Variants in MYT1 observed in about 807,000 individuals in gnomAD.
MYT1 encodes myelin transcription factor I.
Under a neutral mutation model 123.0 loss-of-function variants are expected in MYT1, and 23 were observed. That is an observed-to-expected ratio of 0.19 (90% CI 0.13 to 0.26). The LOEUF (loss-of-function observed/expected upper bound fraction) is 0.26, where lower values mean the gene tolerates loss of function less well. Among genes scored for constraint, MYT1 ranks in the 10% least tolerant of loss-of-function variants. The pLI, the probability that MYT1 is intolerant of heterozygous loss-of-function variation, is 1.00. For missense variants in MYT1, 1,125 were observed against 1,472.5 expected, an observed-to-expected ratio of 0.76 and a Z score of 3.86; for synonymous variants, 518 against 575.3, an observed-to-expected ratio of 0.90 and a Z score of 1.43.
At chr20:64,179,022 A>T (rs558946653) in intron 1 of MYT1, among the ~76,000 whole-genome samples, 3 of 85,950 alleles carry the variant, frequency 3.5e-5, no homozygotes, top group Non-Finnish European at 7.0e-5. Flanking sequence ...TTATTCGGTG[A>T]GATACCCTTC....
At chr20:64,173,689 G>A (rs1488493878) in intron 1 of MYT1, among the ~76,000 whole-genome samples, 2 of 114,316 alleles carry the variant, frequency 1.7e-5, no homozygotes, top group African/African-American at 3.5e-5. Flanking sequence ...TCCTCCTGCA[G>A]CATCTTTCCT....
chr20:64,195,354 C>G (rs972183759), intron 2 of MYT1, among the ~76,000 whole-genome samples: 6 of 98,836 alleles, frequency 6.1e-5, no homozygotes, highest in African/African-American at 4.1e-5. Context: ...ATGGTGAGAA[C>G]TGTGTGTGTG....
At position 64,232,067 on chromosome 20, in the gene MYT1, C is replaced by T; in HGVS notation, c.2676-97C>T. On this transcript the variant is annotated intron_variant, in intron 18 of 22. Coordinates refer to ENST00000328439, the MANE Select transcript of MYT1 (RefSeq NM_004535.3). This position sits in a 1 kb window ranked among gnomAD's most constrained non-coding sequence, Gnocchi z 6.9. ...CTCACTCAGAAGCCCTTTAACGGCT[C>T]TGAGTTGGGCTCCCCTTGTGTCTGG... 2 of 1,275,870 alleles carry T rather than the reference C, an allele frequency of 1.6e-6. No homozygotes were observed. Among genetic ancestry groups the T allele is most frequent in the Non-Finnish European group, 2.2e-6 (2 of 901,506 alleles). 79.0% of individuals were successfully genotyped at this position (1,275,870 alleles called of 1,614,324 possible).
At chr20:64,217,340 T>G in intron 11 of MYT1, 59 bp downstream of exon 11, 1 of 1,574,060 alleles carries the variant, frequency 6.4e-7, no homozygotes, top group African/African-American at 1.3e-5. Flanking sequence ...AGGGGCAGGA[T>G]TCAAGGGGCA....
rs1601711053 is a variant in MYT1 at position 64,202,351 on chromosome 20, C to T, written c.86+2429C>T. 6.6e-6 allele frequency among the ~76,000 whole-genome samples: 1 copy of T among 152,142 alleles called. No homozygotes were observed. The highest frequency in any genetic ancestry group is 1.5e-5 in the Non-Finnish European group (1 of 68,034). ...CCCATCGGGAGAACTGATGACGTTT[C>T]AGCTTGTATTTTTGCCTGGGTCCAT... On this transcript the variant is annotated intron_variant, in intron 4 of 22. Coordinates refer to ENST00000328439, the MANE Select transcript of MYT1 (RefSeq NM_004535.3). This position sits in a 1 kb window ranked among gnomAD's most constrained non-coding sequence, Gnocchi z 5.0.
At chr20:64,178,308 C>T (rs1393549401) in intron 1 of MYT1, among the ~76,000 whole-genome samples, 9 of 151,852 alleles carry the variant, frequency 5.9e-5, no homozygotes, top group South Asian at 2.1e-4. Flanking sequence ...GCAGAGAGGC[C>T]GCTCTCCCAC....
At chr20:64,222,482 T>C (rs1984038044) in intron 14 of MYT1, among the ~76,000 whole-genome samples, 1 of 152,254 alleles carries the variant, frequency 6.6e-6, no homozygotes, top group African/African-American at 2.4e-5. Context: ...CCCTCAACTC[T>C]GTCAGCCTGG....
chr20:64,205,569 C>T lies in MYT1; in HGVS notation c.166C>T (p.Leu56=), dbSNP rs1158438355. The T allele has an allele frequency of 3.7e-6, 6 of 1,614,094 alleles. No homozygotes were observed. In the East Asian group the frequency reaches 1.1e-4, roughly 30 times the overall value. The stretch of plus-strand genomic sequence containing the variant: ...CCCTCCCAGTTTACAGAGCTGCCCC[C>T]TGGCCAAGAAGAGGAAGCTGGAGGG... ...SRHRSLQSCP[L]AKKRKLEGAE... Residue 56 remains leucine (L), a synonymous_variant, in exon 6 of 23, where the codon CTG becomes TTG. Transcript: ENST00000328439.
chr20:64,219,667 T>C (rs6122274), intron 12 of MYT1, 46 bp from the exon 13 acceptor site: 348,762 of 1,520,488 alleles, frequency 0.23, 43,228 homozygotes, highest in African/African-American at 0.41. Context: ...AAGGCACACA[T>C]GGGAAGGGAT....
At chr20:64,180,096 G>A (rs555337511) in intron 1 of MYT1, among the ~76,000 whole-genome samples, 4 of 146,034 alleles carry the variant, frequency 2.7e-5, no homozygotes, top group African/African-American at 1.0e-4. Context: ...CTACACACAG[G>A]TACATGCTAC....
rs765989398 is a variant in MYT1 at position 64,240,687 on chromosome 20, T to A, written c.*239T>A. 95 of 451,268 alleles carry A rather than the reference T, an allele frequency of 2.1e-4. No individual in the cohort carries two copies. The highest frequency in any genetic ancestry group is 3.5e-4 in the Non-Finnish European group (90 of 260,264). The allele number at this position is 451,268 out of a possible 1,614,324, so 28.0% of individuals were successfully genotyped here. A position where few individuals can be genotyped will look rare whatever the true frequency, so the allele number is the denominator to read the frequency against. On this transcript the variant is annotated 3_prime_UTR_variant, in exon 23 of 23. Coordinates refer to ENST00000328439, the MANE Select transcript of MYT1 (RefSeq NM_004535.3). ...GGCACTGAAGAATTACAAAGTGATTTATTTTTGTTTTCTGAAAGAAATCTG... is the reference window on the plus strand; with the variant it reads ...GGCACTGAAGAATTACAAAGTGATTAATTTTTGTTTTCTGAAAGAAATCTG...
chr20:64,238,488 G>A (rs139308216), intron 21 of MYT1, among the ~76,000 whole-genome samples: 38 of 152,180 alleles, frequency 2.5e-4, no homozygotes, highest in Middle Eastern at 3.4e-3. Context: ...CACGTTGACC[G>A]CTTGTTACTC....
chr20:64,240,723 CAA>C lies in MYT1; in HGVS notation c.*277_*278del, dbSNP rs1984695301. On this transcript the variant is annotated 3_prime_UTR_variant, in exon 23 of 23. Coordinates refer to ENST00000328439, the MANE Select transcript of MYT1 (RefSeq NM_004535.3). ...TCTGAAAGAAATCTGAAGAGCAGCT[CAA>C]AGTCTCCAGTGGAAGCTCATGGACA... 2 of 363,610 alleles carry C rather than the reference CAA, an allele frequency of 5.5e-6. No individual in the cohort carries two copies. Among genetic ancestry groups the C allele is most frequent in the Non-Finnish European group, 9.9e-6 (2 of 201,556 alleles). The allele number at this position is 363,610 out of a possible 1,614,324, so 22.5% of individuals were successfully genotyped here.
In MYT1 at chr20:64,232,508, G is replaced by A. The variant is rs1056393581; in HGVS notation, c.2897+123G>A. On this transcript the variant is annotated intron_variant, in intron 19 of 22. Coordinates refer to ENST00000328439, the MANE Select transcript of MYT1 (RefSeq NM_004535.3). This position sits in a 1 kb window ranked among gnomAD's most constrained non-coding sequence, Gnocchi z 6.9. Reference sequence around the variant, plus strand: ...TCCGTGTGACCAGAGTTGCTCAAGGGAAAGGCCAGGCCACATGGGTAGCGG... The same window carrying A: ...TCCGTGTGACCAGAGTTGCTCAAGGAAAAGGCCAGGCCACATGGGTAGCGG... 2 of 943,880 alleles carry A rather than the reference G, an allele frequency of 2.1e-6. No individual in the cohort carries two copies. The highest frequency in any genetic ancestry group is 3.3e-5 in the African/African-American group (2 of 60,990). 58.5% of individuals were successfully genotyped at this position (943,880 alleles called of 1,614,324 possible). A position where few individuals can be genotyped will look rare whatever the true frequency, so the allele number is the denominator to read the frequency against.
At position 64,227,219 on chromosome 20, in the gene MYT1, A is replaced by T. The variant is rs1044381806; in HGVS notation, c.2529-196A>T. ...GGGAGCAAAGCACTGAACCCCTGAG[A>T]TGATCGCATCAGACCCCTGTTGCTG... On this transcript the variant is annotated intron_variant, in intron 16 of 22. Coordinates refer to ENST00000328439, the MANE Select transcript of MYT1 (RefSeq NM_004535.3). 6.6e-5 allele frequency among the ~76,000 whole-genome samples: 10 copies of T among 152,300 alleles called. No homozygotes were observed. The East Asian group carries it at 1.7e-3, about 26-fold the overall frequency.
intron 2 of MYT1, 125 bp from the exon 3 acceptor site, chr20:64,198,737 C>T: frequency 2.0e-6 from 2 of 998,536 alleles, no homozygotes; most frequent in South Asian, 2.9e-5. Context: ...CCTTGTCATT[C>T]TGTGCCCAAA....
chr20:64,225,947 C>T (rs773730362), intron 16 of MYT1, among the ~76,000 whole-genome samples: 4 of 152,216 alleles, frequency 2.6e-5, no homozygotes, highest in African/African-American at 9.6e-5. Context: ...ATCTCCTCTG[C>T]TGTTGATGCC....
In MYT1 at chr20:64,169,305, G is replaced by T. The variant is rs185690044; in HGVS notation, c.-99+4566G>T. ...CAGGTGCCTGGGGTGGCCTCCCAGT[G>T]AGCCAGAGCCACAGACCCGAGGCGC... is the stretch of plus-strand genomic sequence containing the variant. On this transcript the variant is annotated intron_variant, in intron 1 of 22. Transcript: ENST00000328439. 1.2e-3 allele frequency among the ~76,000 whole-genome samples: 188 copies of T among 152,314 alleles called. 2 individuals carry two copies. The East Asian group carries it at 0.025, about 20-fold the overall frequency.
intron 16 of MYT1, among the ~76,000 whole-genome samples, chr20:64,226,544 G>A (rs1984173968): frequency 6.6e-6 from 1 of 152,216 alleles, no homozygotes; most frequent in Admixed American, 6.5e-5. Context: ...GCAGGGTCAG[G>A]GGTCAGGAGG....
Sources: allele counts gnomAD v4.1 joint callset (sites outside exome capture counted in the v4.1 genomes callset), GRCh38; gene constraint gnomAD v4.1.1; non-coding constraint Gnocchi (gnomAD v3.1); transcripts MANE v1.5; gene names NCBI Gene and HGNC (gene_info 2026-07-23, HGNC 2026-07-21).